NEGR1: variants seen among roughly 807,000 people sequenced by gnomAD.
NEGR1 encodes IgLON family member 4.
NEGR1 carries 10 observed loss-of-function variants against 40.9 expected under a neutral mutation model. The ratio of observed to expected loss-of-function variants is 0.24; its 90% CI spans 0.15 to 0.42. The LOEUF is 0.42. Among genes scored for constraint, NEGR1 ranks in the 10% least tolerant of loss-of-function variants. The pLI, the probability that NEGR1 is intolerant of heterozygous loss-of-function variation, is 1.00. For missense variants in NEGR1, 352 were observed against 438.9 expected (o/e 0.80, Z 1.77); for synonymous variants, 185 against 166.8 (o/e 1.11, Z -0.84).
intron 1 of NEGR1, among the ~76,000 whole-genome samples, chr1:72,183,177 T>G (rs766516986): frequency 2.0e-5 from 3 of 152,044 alleles, no homozygotes; most frequent in Non-Finnish European, 2.9e-5. Flanking sequence ...AAACCTCTCT[T>G]TAAGAGACCC....
chr1:71,759,498 C>T (rs890876344), intron 3 of NEGR1, among the ~76,000 whole-genome samples: 1 of 149,396 alleles, frequency 6.7e-6, no homozygotes, highest in Non-Finnish European at 1.5e-5. Flanking sequence ...AGGACTTCAC[C>T]GTGTTAGCCA....
At chr1:71,452,096 C>T (rs996475796) in intron 6 of NEGR1, among the ~76,000 whole-genome samples, 86 of 152,266 alleles carry the variant, frequency 5.6e-4, no homozygotes, top group African/African-American at 2.0e-3. Context: ...GTTCCTGATA[C>T]TTGATAAATT....
intron 1 of NEGR1, among the ~76,000 whole-genome samples, chr1:72,273,336 G>A (rs1266632117): frequency 6.6e-6 from 1 of 151,952 alleles, no homozygotes; most frequent in African/African-American, 2.4e-5. Context: ...AGGAAGAGAA[G>A]GCTCCATAAG....
intron 1 of NEGR1, among the ~76,000 whole-genome samples, chr1:72,203,021 C>T (rs1375718350): frequency 1.3e-5 from 2 of 151,938 alleles, no homozygotes; most frequent in Non-Finnish European, 2.9e-5. Context: ...ACTTAGTCAC[C>T]CCAGAGTTCT....
intron 1 of NEGR1, among the ~76,000 whole-genome samples, chr1:71,969,021 G>GT (rs570317501): frequency 0.025 from 3,643 of 146,818 alleles, 63 homozygotes; most frequent in Non-Finnish European, 0.039. Flanking sequence ...TTTTGTTTTT[G>GT]TTTTTTTTTT....
At chr1:72,083,592 G>A (rs1214848595) in intron 1 of NEGR1, among the ~76,000 whole-genome samples, 4 of 151,618 alleles carry the variant, frequency 2.6e-5, no homozygotes, top group African/African-American at 4.8e-5. Context: ...GAATTCGATA[G>A]AAAAAAAAGA....
intron 1 of NEGR1, among the ~76,000 whole-genome samples, chr1:72,216,351 T>C (rs1355490304): frequency 7.0e-6 from 1 of 142,314 alleles, no homozygotes; most frequent in Non-Finnish European, 1.5e-5. Context: ...TCTGCACATA[T>C]ATATCCTAGA....
At chr1:71,454,587 A>T (rs1279257803) in intron 6 of NEGR1, among the ~76,000 whole-genome samples, 1 of 152,156 alleles carries the variant, frequency 6.6e-6, no homozygotes, top group Non-Finnish European at 1.5e-5. Context: ...CACTCTTACA[A>T]TGTGGATCCC....
chr1:71,727,719 G>T (rs72678925), intron 3 of NEGR1, among the ~76,000 whole-genome samples: 11,948 of 152,190 alleles, frequency 0.079, 584 homozygotes, highest in Non-Finnish European at 0.1. Context: ...TGAAAGAAAA[G>T]AACTGTATTC....
chr1:71,981,742 T>C (rs570211505), intron 1 of NEGR1, among the ~76,000 whole-genome samples: 2 of 152,192 alleles, frequency 1.3e-5, no homozygotes, highest in East Asian at 3.9e-4. Context: ...ATAACAAGAA[T>C]GTTATGTCTA....
chr1:72,225,927 A>T (rs1269687335), intron 1 of NEGR1, among the ~76,000 whole-genome samples: 1 of 151,782 alleles, frequency 6.6e-6, no homozygotes, highest in Non-Finnish European at 1.5e-5. Context: ...TTGAAGACTA[A>T]TGGGGTACAT....
chr1:71,971,248 G>A (rs1190537984), intron 1 of NEGR1, among the ~76,000 whole-genome samples: 1 of 152,198 alleles, frequency 6.6e-6, no homozygotes, highest in Non-Finnish European at 1.5e-5. Flanking sequence ...CTGATTTCTA[G>A]TCTCCAGAAC....
chr1:71,637,652 T>C (rs1052956596), intron 4 of NEGR1, among the ~76,000 whole-genome samples: 2 of 151,940 alleles, frequency 1.3e-5, no homozygotes, highest in Admixed American at 6.6e-5. Context: ...GATGTCACCA[T>C]GGTTAATCAA....
rs1033912137 is a variant in NEGR1, at chr1:71,410,120, G to A, written c.941-2550C>T. Among the ~76,000 whole-genome samples, 12 of 152,048 alleles carry A rather than the reference G, an allele frequency of 7.9e-5. No homozygotes were observed. The South Asian group carries it at 1.7e-3, about 21-fold the overall frequency. ...TTACTTTACAATTAAAATAGCATAC[G>A]TCTTTTCACTGATGCCACAAATTTA... On this transcript the variant is annotated intron_variant, in intron 6 of 6. Transcript: ENST00000357731.
intron 6 of NEGR1, among the ~76,000 whole-genome samples, chr1:71,573,001 T>C (rs1265669099): frequency 6.6e-6 from 1 of 152,206 alleles, no homozygotes; most frequent in African/African-American, 2.4e-5. Flanking sequence ...GCAGAATTCT[T>C]ATTAGGATAA....
intron 3 of NEGR1, among the ~76,000 whole-genome samples, chr1:71,710,887 T>C (rs886514655): frequency 6.6e-6 from 1 of 152,046 alleles, no homozygotes; most frequent in African/African-American, 2.4e-5. Flanking sequence ...AAGAATGTAA[T>C]TGGATTGATT....
chr1:71,526,472 A>T (rs1647218319), intron 6 of NEGR1, among the ~76,000 whole-genome samples: 1 of 151,410 alleles, frequency 6.6e-6, no homozygotes, highest in Admixed American at 6.6e-5. Context: ...AAACAACAGG[A>T]TAAAGTCCAA....
chr1:72,151,484 C>T (rs990145755), intron 1 of NEGR1, among the ~76,000 whole-genome samples: 15 of 151,132 alleles, frequency 9.9e-5, no homozygotes, highest in African/African-American at 2.4e-4. Flanking sequence ...TTATGTATAG[C>T]GACACCCCCA....
In NEGR1 at chr1:71,561,861, A is replaced by G. The variant is rs565800071; in HGVS notation, c.940+30956T>C. ...CTTTTTAGATCTTTCTTTCATGAAT[A>G]TGCATAAATATAGCATTCATGAATC... On this transcript the variant is annotated intron_variant, in intron 6 of 6. Transcript: ENST00000357731. 2.0e-5 allele frequency among the ~76,000 whole-genome samples: 3 copies of G among 150,640 alleles called. No individual in the cohort carries two copies. The East Asian group carries it at 5.9e-4, about 30-fold the overall frequency.
Sources: allele counts gnomAD v4.1 joint callset (sites outside exome capture counted in the v4.1 genomes callset), GRCh38; gene constraint gnomAD v4.1.1; transcripts MANE v1.5; gene names NCBI Gene and HGNC (gene_info 2026-07-23, HGNC 2026-07-21).